Variants in IQCM observed in about 807,000 individuals in gnomAD.
IQCM encodes the protein IQ motif containing M.
IQCM carries 45 observed loss-of-function variants against 57.6 expected under a neutral mutation model. That is an observed-to-expected ratio of 0.78 (90% CI 0.62 to 1.00). IQCM has a LOEUF of 1.00. Among genes scored for constraint, IQCM ranks in the 50% least tolerant of loss-of-function variants. The probability of loss-of-function intolerance (pLI) is 0.00; values close to 1 mark genes in which losing one functional copy is unlikely to be tolerated. For synonymous variants in IQCM, 148 were observed against 158.9 expected, an observed-to-expected ratio of 0.93 and a Z score of 0.51; for missense variants, 468 against 511.6, an observed-to-expected ratio of 0.91 and a Z score of 0.82.
chr4:149,538,099 A>G (rs907222359), intron 12 of IQCM, among the ~76,000 whole-genome samples: 2 of 151,490 alleles, frequency 1.3e-5, no homozygotes, highest in African/African-American at 2.4e-5. Context: ...TTAGTTTTAT[A>G]TATATAACAG....
intron 13 of IQCM, among the ~76,000 whole-genome samples, chr4:149,370,804 T>C (rs968277056): frequency 2.0e-5 from 3 of 151,994 alleles, no homozygotes; most frequent in African/African-American, 7.2e-5. Context: ...TTCACTCTGA[T>C]AGGTTTCCAA....
At chr4:149,630,068 C>G (rs1757133276) in intron 7 of IQCM, among the ~76,000 whole-genome samples, 1 of 152,122 alleles carries the variant, frequency 6.6e-6, no homozygotes, top group Non-Finnish European at 1.5e-5. Flanking sequence ...AGAGAGACAG[C>G]CTGCTGTGTC....
intron 12 of IQCM, among the ~76,000 whole-genome samples, chr4:149,484,591 A>T (rs999279988): frequency 2.0e-5 from 3 of 152,040 alleles, no homozygotes; most frequent in Non-Finnish European, 2.9e-5. Flanking sequence ...AAAAAATTAA[A>T]AACTCTACAC....
At chr4:149,650,282 C>T (rs563942476) in intron 7 of IQCM, among the ~76,000 whole-genome samples, 9 of 152,172 alleles carry the variant, frequency 5.9e-5, no homozygotes, top group African/African-American at 1.7e-4. Context: ...TAGAAATATG[C>T]TTCTATGAGC....
At chr4:149,747,236 A>T (rs1768012068) in intron 2 of IQCM, among the ~76,000 whole-genome samples, 1 of 152,218 alleles carries the variant, frequency 6.6e-6, no homozygotes, top group East Asian at 1.9e-4. Context: ...CCAATATAAC[A>T]GGACAAATAT....
intron 12 of IQCM, among the ~76,000 whole-genome samples, chr4:149,492,330 T>C (rs191693564): frequency 3.9e-5 from 6 of 152,222 alleles, no homozygotes; most frequent in African/African-American, 1.4e-4. Context: ...GAAAAAAAGA[T>C]TATGACCTAA....
intron 2 of IQCM, among the ~76,000 whole-genome samples, chr4:149,791,256 G>C (rs1249422094): frequency 3.3e-5 from 5 of 151,520 alleles, no homozygotes; most frequent in Non-Finnish European, 7.4e-5. Flanking sequence ...CTTTTTTATT[G>C]ACTCTCATTA....
rs148204947 is a variant in IQCM at position 149,463,391 on chromosome 4, T to C, written c.1229-29834A>G. ...TCAAGGGGTTGTGATTTTAGAGACGTTGAATGTATTATGGTGCCCTGAAAC... is the reference window on the plus strand; with the variant it reads ...TCAAGGGGTTGTGATTTTAGAGACGCTGAATGTATTATGGTGCCCTGAAAC... On this transcript the variant is annotated intron_variant, in intron 12 of 13. Coordinates refer to ENST00000636793, the MANE Select transcript of IQCM (RefSeq NM_001363507.2). 2.6e-5 allele frequency among the ~76,000 whole-genome samples: 4 copies of C among 152,322 alleles called. No individual in the cohort carries two copies. The East Asian group carries it at 5.8e-4, about 22-fold the overall frequency.
At chr4:149,782,141 A>T (rs1771660038) in intron 2 of IQCM, among the ~76,000 whole-genome samples, 1 of 152,170 alleles carries the variant, frequency 6.6e-6, no homozygotes. Flanking sequence ...TTATAAATTC[A>T]GTGGAAAATG....
chr4:149,709,639 A>G (rs925287855), intron 5 of IQCM, among the ~76,000 whole-genome samples: 2 of 152,108 alleles, frequency 1.3e-5, no homozygotes, highest in African/African-American at 4.8e-5. Context: ...GGAGAACCAG[A>G]CCTTGGTGTT....
intron 12 of IQCM, among the ~76,000 whole-genome samples, chr4:149,457,505 T>C (rs576297463): frequency 1.3e-5 from 2 of 152,164 alleles, no homozygotes; most frequent in South Asian, 4.2e-4. Context: ...TTTTTAAATG[T>C]ATAATAAATT....
intron 5 of IQCM, among the ~76,000 whole-genome samples, chr4:149,726,071 A>AAAAGAAAG (rs529190046): frequency 0.058 from 5,508 of 94,714 alleles, 366 homozygotes; most frequent in East Asian, 0.09. Context: ...TCTTCCCTCT[A>AAAAGAAAG]AAAGAAAGAA....
At chr4:149,705,133 T>C (rs1004120327) in intron 5 of IQCM, among the ~76,000 whole-genome samples, 5 of 147,300 alleles carry the variant, frequency 3.4e-5, no homozygotes, top group African/African-American at 9.9e-5. Flanking sequence ...TAATAAATCA[T>C]ATATATCTAT....
chr4:149,723,703 G>A (rs889604865), intron 5 of IQCM, among the ~76,000 whole-genome samples: 1 of 151,890 alleles, frequency 6.6e-6, no homozygotes, highest in Non-Finnish European at 1.5e-5. Context: ...GTTTTGTTGA[G>A]GATTTTTGCA....
At chr4:149,546,181 T>C (rs1479989199) in intron 12 of IQCM, among the ~76,000 whole-genome samples, 1 of 152,216 alleles carries the variant, frequency 6.6e-6, no homozygotes, top group Non-Finnish European at 1.5e-5. Flanking sequence ...TATTCCATGG[T>C]GTATATGTGC....
At chr4:149,802,079 C>CT (rs1773656260) in intron 2 of IQCM, among the ~76,000 whole-genome samples, 1 of 151,644 alleles carries the variant, frequency 6.6e-6, no homozygotes, top group Admixed American at 6.6e-5. Context: ...AGAAGTATGG[C>CT]TTATACAGTT....
At chr4:149,760,456 A>G (rs982762416) in intron 2 of IQCM, among the ~76,000 whole-genome samples, 14 of 152,130 alleles carry the variant, frequency 9.2e-5, no homozygotes, top group Non-Finnish European at 1.8e-4. Context: ...GTCCTTTTAT[A>G]CATCTGAATA....
intron 13 of IQCM, among the ~76,000 whole-genome samples, chr4:149,393,610 A>T (rs1301993633): frequency 6.6e-6 from 1 of 151,962 alleles, no homozygotes; most frequent in African/African-American, 2.4e-5. Context: ...GCTGTGGGGA[A>T]CCAAAGACCA....
chr4:149,717,375 C>T (rs1023900995), intron 5 of IQCM, among the ~76,000 whole-genome samples: 1 of 152,072 alleles, frequency 6.6e-6, no homozygotes, highest in African/African-American at 2.4e-5. Flanking sequence ...AGGAGAAATT[C>T]CCATACGTTT....
Sources: allele counts gnomAD v4.1 joint callset (sites outside exome capture counted in the v4.1 genomes callset), GRCh38; gene constraint gnomAD v4.1.1; transcripts MANE v1.5; gene names NCBI Gene and HGNC (gene_info 2026-07-23, HGNC 2026-07-21).